The following RAB14 variants were observed in gnomAD, a reference collection of about 807,000 sequenced individuals.
The protein encoded by RAB14 is ras-related protein Rab-14.
Under a neutral mutation model 31.1 loss-of-function variants are expected in RAB14, and 3 were observed. The observed-to-expected ratio is 0.10, with a 90% CI of 0.04 to 0.25. The LOEUF is 0.25. Ranked by LOEUF, RAB14 falls within the 10% of genes least tolerant of loss-of-function variation. The probability of loss-of-function intolerance (pLI) is 1.00; values close to 1 mark genes in which losing one functional copy is unlikely to be tolerated. For missense variants in RAB14, 111 were observed against 260.1 expected, an observed-to-expected ratio of 0.43 and a Z score of 3.94; for synonymous variants, 85 against 84.9, an observed-to-expected ratio of 1.00 and a Z score of 0.00.
In RAB14 at chr9:121,178,412, T is replaced by G. The variant is rs910542107; in HGVS notation, c.*2984A>C. ...GGGCCTGTGTTGAATGAGGATAAAT[T>G]ATCTTTTCTCTAAAATGCCACATGA... On this transcript the variant is annotated 3_prime_UTR_variant, in exon 8 of 8. Coordinates refer to ENST00000373840, the MANE Select transcript of RAB14 (RefSeq NM_016322.4). 3.3e-5 allele frequency: 5 copies of G among 152,590 alleles called. No homozygotes were observed. The highest frequency in any genetic ancestry group is 1.2e-4 in the African/African-American group (5 of 41,446). The allele number at this position is 152,590 out of a possible 1,614,324, so 9.5% of individuals were successfully genotyped here. A position where few individuals can be genotyped will look rare whatever the true frequency, so the allele number is the denominator to read the frequency against.
rs2053649995 is a variant in RAB14, at chr9:121,184,606, A to G, written c.352-1208T>C. Among the ~76,000 whole-genome samples, 7 of 152,250 alleles carry G rather than the reference A, an allele frequency of 4.6e-5. No homozygotes were observed. The South Asian group carries it at 1.5e-3, about 32-fold the overall frequency. ...TCAGCCATTAACTTTTTTTCATGTA[A>G]AATTACAGCTCCTGGCTCTTCCACT... On this transcript the variant is annotated intron_variant, in intron 5 of 7. Transcript: ENST00000373840.
chr9:121,191,076 A>C (rs2053683769), intron 3 of RAB14, among the ~76,000 whole-genome samples: 1 of 152,114 alleles, frequency 6.6e-6, no homozygotes. Flanking sequence ...TATTCCAATA[A>C]ATTTTATTCA....
chr9:121,190,396 T>C (rs1351310717), intron 4 of RAB14, among the ~76,000 whole-genome samples, 158 bp downstream of exon 4: 1 of 152,138 alleles, frequency 6.6e-6, no homozygotes, highest in Non-Finnish European at 1.5e-5. Context: ...CAATGTGTTA[T>C]ATCAAGTTTT....
rs1244835317 is a variant in RAB14, at chr9:121,179,384, ATCCT to A, written c.*2008_*2011del. 1 of 152,666 alleles carries A rather than the reference ATCCT, an allele frequency of 6.6e-6. No individual in the cohort carries two copies. The highest frequency in any genetic ancestry group is 6.5e-5 in the Admixed American group (1 of 15,286). 9.5% of individuals were successfully genotyped at this position (152,666 alleles called of 1,614,324 possible). A position where few individuals can be genotyped will look rare whatever the true frequency, so the allele number is the denominator to read the frequency against. On this transcript the variant is annotated 3_prime_UTR_variant, in exon 8 of 8. Transcript: ENST00000373840. ...ATGAAGAGTACAGCAGTCTGAATAA[ATCCT>A]TCAGTCACAAAAACAATAAAACCCA...
At chr9:121,190,790 GA>G in intron 3 of RAB14, 59 bp from the exon 4 acceptor site, 3 of 1,540,286 alleles carry the variant, frequency 1.9e-6, no homozygotes, top group South Asian at 1.2e-5. Context: ...ATTAAGCCTA[GA>G]GGGGGAAAAT....
At position 121,178,264 on chromosome 9, in the gene RAB14, G is replaced by A. The variant is rs1384283191; in HGVS notation, c.*3132C>T. ...TATTAATACACAGTAAGTTCTAGAA[G>A]GCATCTTTCAAAACAAAACTTGATT... On this transcript the variant is annotated 3_prime_UTR_variant, in exon 8 of 8. Transcript: ENST00000373840. 6.6e-6 allele frequency: 1 copy of A among 152,168 alleles called. No individual in the cohort carries two copies. Among genetic ancestry groups the A allele is most frequent in the East Asian group, 1.9e-4 (1 of 5,198 alleles). 9.4% of individuals were successfully genotyped at this position (152,168 alleles called of 1,614,324 possible).
At position 121,183,236 on chromosome 9, in the gene RAB14, A is replaced by C. The variant is rs565029344; in HGVS notation, c.439+75T>G. On this transcript the variant is annotated intron_variant, in intron 6 of 7. Transcript: ENST00000373840. ...ATTTAAAAAAAAAATGCAAAAAAAAACCAACAAAACTGTCAAGCCCACCTT... is the reference window on the plus strand; with the variant it reads ...ATTTAAAAAAAAAATGCAAAAAAAACCCAACAAAACTGTCAAGCCCACCTT... 1.2e-3 allele frequency: 1,530 copies of C among 1,291,376 alleles called. 11 individuals are homozygous for C. In the East Asian group the frequency reaches 0.017, roughly 14 times the overall value. The allele number at this position is 1,291,376 out of a possible 1,614,324, so 80.0% of individuals were successfully genotyped here. A position where few individuals can be genotyped will look rare whatever the true frequency, so the allele number is the denominator to read the frequency against.
chr9:121,195,193 T>C (rs2053708725), intron 1 of RAB14, among the ~76,000 whole-genome samples: 1 of 152,104 alleles, frequency 6.6e-6, no homozygotes, highest in Non-Finnish European at 1.5e-5. Context: ...AAAAGTAATC[T>C]CTTACATTAA....
chr9:121,183,374 C>T lies in RAB14; in HGVS notation c.376G>A (p.Ala126Thr), dbSNP rs1020823983. The T allele has an allele frequency of 6.2e-7, 1 of 1,607,656 alleles. No homozygotes were observed. Among genetic ancestry groups the T allele is most frequent in the African/African-American group, 1.3e-5 (1 of 74,742 alleles). ...NTVIILIGNKADLEAQRDVTY... is the reference protein window; with the variant it reads ...NTVIILIGNKTDLEAQRDVTY... ...ACATCTCTCTGTGCCTCCAAATCTG[C>T]TTTATTTCCTATGAGAATTATTACC... The change falls in exon 6 of 8, where the codon GCA becomes ACA. Residue 126 changes from alanine to threonine, a missense_variant. Ala to Thr is a moderately conservative substitution (Grantham distance 58, BLOSUM62 0). Coordinates refer to ENST00000373840, the MANE Select transcript of RAB14 (RefSeq NM_016322.4).
Position 121,178,550 on chromosome 9 carries a change from A to G in RAB14, c.*2846T>C, listed in dbSNP as rs2132017883. On this transcript the variant is annotated 3_prime_UTR_variant, in exon 8 of 8. Transcript: ENST00000373840. The stretch of plus-strand genomic sequence containing the variant: ...TTTTTTAAAATCACACTTAAAAGAC[A>G]CATGGGCAAAAAAGTTCCCCAAAAC... The G allele has an allele frequency of 6.5e-6, 1 of 152,786 alleles. No homozygotes were observed. Among genetic ancestry groups the G allele is most frequent in the Non-Finnish European group, 1.5e-5 (1 of 68,032 alleles). 9.5% of individuals were successfully genotyped at this position (152,786 alleles called of 1,614,324 possible).
intron 1 of RAB14, among the ~76,000 whole-genome samples, chr9:121,194,514 G>C (rs1412864633): frequency 6.6e-6 from 1 of 152,034 alleles, no homozygotes; most frequent in East Asian, 1.9e-4. Context: ...AGAAACAAGG[G>C]GCTGAACTGT....
At chr9:121,198,356 T>A (rs746216790) in intron 1 of RAB14, among the ~76,000 whole-genome samples, 29 of 152,174 alleles carry the variant, frequency 1.9e-4, no homozygotes, top group Non-Finnish European at 2.9e-4. Context: ...GGGTTCAAAA[T>A]AGAAAAACCA....
At position 121,179,161 on chromosome 9, in the gene RAB14, T is replaced by TTA. The variant is rs2053618576; in HGVS notation, c.*2233_*2234dup. 6.6e-6 allele frequency: 1 copy of TTA among 152,226 alleles called. No individual in the cohort carries two copies. The allele number at this position is 152,226 out of a possible 1,614,324, so 9.4% of individuals were successfully genotyped here. A position where few individuals can be genotyped will look rare whatever the true frequency, so the allele number is the denominator to read the frequency against. ...GGGTCTATTACTTAGTGATGTGGTTTTATATGCTACATACGTAGACCTCTC... is the reference window on the plus strand; with the variant it reads ...GGGTCTATTACTTAGTGATGTGGTTTTATATATGCTACATACGTAGACCTCTC... On this transcript the variant is annotated 3_prime_UTR_variant, in exon 8 of 8. Coordinates refer to ENST00000373840, the MANE Select transcript of RAB14 (RefSeq NM_016322.4).
At chr9:121,199,796 T>C (rs2132031908) in intron 1 of RAB14, among the ~76,000 whole-genome samples, 1 of 152,298 alleles carries the variant, frequency 6.6e-6, no homozygotes, top group East Asian at 1.9e-4. Context: ...TCCTAAAAAC[T>C]CATTTTTCAG....
Position 121,181,314 on chromosome 9 carries a change from A to G in RAB14, c.*82T>C, listed in dbSNP as rs1588365832. ...TTTAATTAAACCCAGTAAGATGTAC[A>G]GAAGACAATGAGGCAGTAAAAAGTA... is the stretch of plus-strand genomic sequence containing the variant. On this transcript the variant is annotated 3_prime_UTR_variant, in exon 8 of 8. Transcript: ENST00000373840. The G allele has an allele frequency of 7.4e-7, 1 of 1,342,396 alleles. No individual in the cohort carries two copies. Among genetic ancestry groups the G allele is most frequent in the East Asian group, 2.4e-5 (1 of 42,454 alleles). 83.2% of individuals were successfully genotyped at this position (1,342,396 alleles called of 1,614,324 possible).
intron 5 of RAB14, among the ~76,000 whole-genome samples, chr9:121,185,061 G>A (rs531801933): frequency 1.3e-5 from 2 of 152,160 alleles, no homozygotes; most frequent in African/African-American, 4.8e-5. Flanking sequence ...AGAAATCAAG[G>A]GCAATTCTAT....
intron 1 of RAB14, among the ~76,000 whole-genome samples, chr9:121,196,183 GA>G (rs531088275): frequency 3.3e-3 from 484 of 148,020 alleles, no homozygotes; most frequent in African/African-American, 0.011. Context: ...CCCCATAAAT[GA>G]AAAAAAAAAT....
At chr9:121,197,098 C>T (rs1307839658) in intron 1 of RAB14, among the ~76,000 whole-genome samples, 1 of 152,040 alleles carries the variant, frequency 6.6e-6, no homozygotes, top group Non-Finnish European at 1.5e-5. Context: ...CAGGTATGTA[C>T]AGGTAGACTG....
chr9:121,197,634 C>T (rs756160021), intron 1 of RAB14, among the ~76,000 whole-genome samples: 3 of 152,192 alleles, frequency 2.0e-5, no homozygotes, highest in Non-Finnish European at 4.4e-5. Context: ...AGTTTTGAAA[C>T]ATGTAGGTAC....
Sources: allele counts gnomAD v4.1 joint callset (sites outside exome capture counted in the v4.1 genomes callset), GRCh38; gene constraint gnomAD v4.1.1; transcripts MANE v1.5; gene names NCBI Gene and HGNC (gene_info 2026-07-23, HGNC 2026-07-21).